The following TNRC6A variants were observed in gnomAD, a reference collection of about 807,000 sequenced individuals.
TNRC6A encodes the protein trinucleotide repeat-containing gene 6A protein.
A neutral mutation model predicts 221.2 loss-of-function variants in TNRC6A; 44 were observed. The ratio of observed to expected loss-of-function variants is 0.20; its 90% CI spans 0.16 to 0.26. The LOEUF is 0.26. Among genes scored for constraint, TNRC6A ranks in the 10% least tolerant of loss-of-function variants. The probability of loss-of-function intolerance (pLI) is 1.00; values close to 1 mark genes in which losing one functional copy is unlikely to be tolerated. For synonymous variants in TNRC6A, 847 were observed against 838.5 expected (o/e 1.01, Z -0.18); for missense variants, 2,199 against 2,404.4 (o/e 0.91, Z 1.79).
intron 2 of TNRC6A, among the ~76,000 whole-genome samples, chr16:24,718,588 G>A (rs1351966085): frequency 6.6e-6 from 1 of 152,206 alleles, no homozygotes; most frequent in Non-Finnish European, 1.5e-5. Flanking sequence ...AGGTTAGGTA[G>A]CAAGAGTTCT....
At chr16:24,766,843 A>G (rs1488343517) in intron 4 of TNRC6A, among the ~76,000 whole-genome samples, 2 of 151,720 alleles carry the variant, frequency 1.3e-5, no homozygotes. Flanking sequence ...CACCCAGCTA[A>G]TTTTTGTACT....
intron 2 of TNRC6A, among the ~76,000 whole-genome samples, chr16:24,672,274 G>A (rs576561767): frequency 1.6e-3 from 238 of 151,652 alleles, no homozygotes; most frequent in Non-Finnish European, 2.8e-3. Flanking sequence ...GGCGCACGCC[G>A]CCACGCCTGG....
At chr16:24,748,803 A>C (rs1475539954) in intron 2 of TNRC6A, among the ~76,000 whole-genome samples, 1 of 152,132 alleles carries the variant, frequency 6.6e-6, no homozygotes, top group Non-Finnish European at 1.5e-5. Context: ...TGCCATATGC[A>C]TTCCAGCCTT....
At chr16:24,809,300 G>A (rs1567510300) in intron 17 of TNRC6A, 50 bp from the exon 18 acceptor site, 1 of 1,431,810 alleles carries the variant, frequency 7.0e-7, no homozygotes, top group South Asian at 1.8e-5. Context: ...CTACTAGAAA[G>A]AAAATGTGCT....
intron 18 of TNRC6A, 159 bp downstream of exon 18, chr16:24,809,640 T>A: frequency 2.3e-6 from 2 of 862,250 alleles, no homozygotes; most frequent in Non-Finnish European, 3.1e-6. Flanking sequence ...TTAGTTACAA[T>A]AAGAGACTTT....
Position 24,790,200 on chromosome 16 carries a change from A to C in TNRC6A, c.1558A>C (p.Thr520Pro), listed in dbSNP as rs2058068242. ...GESKSGGSYG[T>P]TWGAYGSNYS... ...GTCAAAAAGTGGAGGCTCTTATGGT[A>C]CTACATGGGGTGCCTATGGTTCTAA... is the stretch of plus-strand genomic sequence containing the variant. Residue 520 changes from threonine (T) to proline (P), a missense_variant, in exon 6 of 25, where the codon ACT becomes CCT. This residue lies in a region of TNRC6A where 1,405 missense variants were observed against 1,400.2 expected (regional missense o/e 1.00). Transcript: ENST00000395799. 1.9e-6 allele frequency: 3 copies of C among 1,614,198 alleles called. No individual in the cohort carries two copies. The highest frequency in any genetic ancestry group is 2.2e-5 in the South Asian group (2 of 91,084).
intron 11 of TNRC6A, among the ~76,000 whole-genome samples, chr16:24,800,197 G>GCTCATTAGGTATA (rs748176771): frequency 8.5e-5 from 13 of 152,158 alleles, no homozygotes; most frequent in Non-Finnish European, 1.3e-4. Flanking sequence ...TCTGTAAGTG[G>GCTCATTAGGTATA]CTCATTAGGT....
chr16:24,677,514 C>T (rs1420903534), intron 2 of TNRC6A, among the ~76,000 whole-genome samples: 1 of 152,160 alleles, frequency 6.6e-6, no homozygotes, highest in Non-Finnish European at 1.5e-5. Context: ...CTACCAGTTG[C>T]CCAAACTTGA....
intron 2 of TNRC6A, among the ~76,000 whole-genome samples, chr16:24,672,275 C>T (rs1373759566): frequency 6.6e-6 from 1 of 152,100 alleles, no homozygotes; most frequent in East Asian, 1.9e-4. Context: ...GCGCACGCCG[C>T]CACGCCTGGC....
At chr16:24,726,123 T>C (rs1484608465), upstream of TNRC6A, among the ~76,000 whole-genome samples, 3 of 152,198 alleles carry the variant, frequency 2.0e-5, no homozygotes, top group African/African-American at 2.4e-5. Flanking sequence ...CAATAAATAC[T>C]GTGTGAGTGA....
At chr16:24,745,113 C>T (rs2056975824) in intron 2 of TNRC6A, among the ~76,000 whole-genome samples, 1 of 152,146 alleles carries the variant, frequency 6.6e-6, no homozygotes, top group Non-Finnish European at 1.5e-5. Context: ...TACGATGACC[C>T]CTTTCCACTT....
At chr16:24,649,617 C>T (rs1054784005) in intron 2 of TNRC6A, among the ~76,000 whole-genome samples, 3 of 151,996 alleles carry the variant, frequency 2.0e-5, no homozygotes, top group Non-Finnish European at 4.4e-5. Context: ...CCCTCACATA[C>T]TTCTTTGTGT....
At chr16:24,798,199 T>C in intron 11 of TNRC6A, 1 of 344,134 alleles carries the variant, frequency 2.9e-6, no homozygotes. Flanking sequence ...CAAGAGGGAG[T>C]TACTCAGATT....
In TNRC6A at chr16:24,729,715, C is replaced by T; in HGVS notation, c.-127C>T. On this transcript the variant is annotated 5_prime_UTR_variant, in exon 1 of 25. Transcript: ENST00000395799. The stretch of plus-strand genomic sequence containing the variant: ...GCGGCGGCGGCGGCGGCGGCGGCGG[C>T]GGCAGCGGGTCGGTGTAGAAAATGG... 1.8e-6 allele frequency: 2 copies of T among 1,128,196 alleles called. No homozygotes were observed. The highest frequency in any genetic ancestry group is 2.3e-6 in the Non-Finnish European group (2 of 877,636). 69.9% of individuals were successfully genotyped at this position (1,128,196 alleles called of 1,614,324 possible). A position where few individuals can be genotyped will look rare whatever the true frequency, so the allele number is the denominator to read the frequency against.
chr16:24,765,174 A>G (rs2057446803), intron 4 of TNRC6A, among the ~76,000 whole-genome samples: 1 of 152,230 alleles, frequency 6.6e-6, no homozygotes. Flanking sequence ...TTTCCCAATT[A>G]CAAGCCTTCT....
chr16:24,816,472 C>G (rs1326801605), intron 19 of TNRC6A: 1 of 192,314 alleles, frequency 5.2e-6, no homozygotes. Context: ...CACCACTACA[C>G]TCCAACCTGG....
chr16:24,710,343 C>T (rs1049568198), intron 2 of TNRC6A, among the ~76,000 whole-genome samples: 1 of 152,042 alleles, frequency 6.6e-6, no homozygotes, highest in Non-Finnish European at 1.5e-5. Context: ...CATGGTGGCT[C>T]ACACCTGTAG....
At chr16:24,750,440 A>G (rs1224806101) in intron 2 of TNRC6A, among the ~76,000 whole-genome samples, 1 of 152,154 alleles carries the variant, frequency 6.6e-6, no homozygotes, top group Non-Finnish European at 1.5e-5. Flanking sequence ...GGATTGGAGG[A>G]AATTGCTTGT....
rs759397655 is a variant in TNRC6A at position 24,791,782 on chromosome 16, G to A, written c.3140G>A (p.Ser1047Asn). Residue 1047 changes from serine (S) to asparagine (N), a missense_variant, in exon 6 of 25, where the codon AGT becomes AAT. Physicochemically the swap from Ser to Asn is conservative, Grantham distance 46 (BLOSUM62 1). Around this residue, in one of 8 missense-constraint regions of TNRC6A, gnomAD observed 1,405 missense variants for 1,400.2 expected, o/e 1.00. Transcript: ENST00000395799. ...GTACATCAGCTGCTAACGCCTGCAA[G>A]TGCCATCTCAAACAAAGAGGCAAGC... ...AQVHQLLTPA[S>N]AISNKEASSG... is the part of the protein sequence containing the mutation. 6.4e-7 allele frequency: 1 copy of A among 1,572,200 alleles called. No homozygotes were observed. The highest frequency in any genetic ancestry group is 2.3e-5 in the East Asian group (1 of 43,496).
Sources: allele counts gnomAD v4.1 joint callset (sites outside exome capture counted in the v4.1 genomes callset), GRCh38; gene constraint gnomAD v4.1.1; regional missense constraint gnomAD v4.1.1; transcripts MANE v1.5; gene names NCBI Gene and HGNC (gene_info 2026-07-23, HGNC 2026-07-21).